The following C22orf42 variants were observed in gnomAD, a reference collection of about 807,000 sequenced individuals.
C22orf42 encodes the protein chromosome 22 open reading frame 42.
C22orf42 carries 24 observed loss-of-function variants against 31.4 expected under a neutral mutation model. The observed-to-expected ratio is 0.77, with a 90% CI of 0.55 to 1.08. The LOEUF (loss-of-function observed/expected upper bound fraction) is 1.08, where lower values mean the gene tolerates loss of function less well. C22orf42 is among the 50% of genes least tolerant of loss of function. The probability of loss-of-function intolerance (pLI) is 0.00; values close to 1 mark genes in which losing one functional copy is unlikely to be tolerated. For missense variants in C22orf42, 276 were observed against 327.3 expected (o/e 0.84, Z 1.21); for synonymous variants, 96 against 112.7 (o/e 0.85, Z 0.94).
At chr22:32,154,449 C>T (rs1278145637) in intron 1 of C22orf42, 131 bp from the exon 2 acceptor site, 6 of 1,111,104 alleles carry the variant, frequency 5.4e-6, no homozygotes, top group Admixed American at 3.2e-5. Flanking sequence ...GTTTTGATCC[C>T]GGTTTGCACC....
intron 4 of C22orf42, 71 bp from the exon 5 acceptor site, chr22:32,151,622 G>C: frequency 9.5e-6 from 14 of 1,476,332 alleles, no homozygotes; most frequent in Non-Finnish European, 1.3e-5. Flanking sequence ...CCTGGGGGAT[G>C]TGGACCGGGG....
rs553928285 is a variant in C22orf42, at chr22:32,149,854, C to G, written c.655-74G>C. On this transcript the variant is annotated intron_variant, in intron 7 of 8. Coordinates refer to ENST00000382097, the MANE Select transcript of C22orf42 (RefSeq NM_001010859.3). Reference sequence around the variant, plus strand: ...CCTGTTGGCACAGGTCTATTATTCACTTGGTGACGTAGAAAACAACATGTC... The same window carrying G: ...CCTGTTGGCACAGGTCTATTATTCAGTTGGTGACGTAGAAAACAACATGTC... 96 of 1,155,826 alleles carry G rather than the reference C, an allele frequency of 8.3e-5. No individual in the cohort carries two copies. In the African/African-American group the frequency reaches 3.3e-3, roughly 39 times the overall value. The allele number at this position is 1,155,826 out of a possible 1,614,324, so 71.6% of individuals were successfully genotyped here.
intron 1 of C22orf42, among the ~76,000 whole-genome samples, chr22:32,157,053 G>T (rs1921298824): frequency 6.6e-6 from 1 of 152,186 alleles, no homozygotes; most frequent in South Asian, 2.1e-4. Flanking sequence ...GTTGTCATTT[G>T]CCTTTCTCTT....
At chr22:32,152,434 G>C in intron 3 of C22orf42, 128 bp downstream of exon 3, 1 of 803,208 alleles carries the variant, frequency 1.2e-6, no homozygotes, top group Non-Finnish European at 2.1e-6. Context: ...TCCAGTGACC[G>C]GTCTCTAGAG....
At chr22:32,152,133 C>G in intron 3 of C22orf42, 39 bp from the exon 4 acceptor site, 1 of 1,598,386 alleles carries the variant, frequency 6.3e-7, no homozygotes, top group Non-Finnish European at 8.5e-7. Flanking sequence ...CCATGAGGAT[C>G]AGATCATGCT....
At chr22:32,159,305 A>G, upstream of C22orf42, 1 of 1,535,944 alleles carries the variant, frequency 6.5e-7, no homozygotes, top group Non-Finnish European at 8.7e-7. Context: ...CTACCGACTG[A>G]AGGCTGCTGG....
intron 1 of C22orf42, among the ~76,000 whole-genome samples, chr22:32,156,095 T>A (rs5753878): frequency 0.12 from 18,358 of 152,170 alleles, 1,294 homozygotes; most frequent in East Asian, 0.23. Flanking sequence ...CATTATCTAA[T>A]GTTACTGTTT....
In C22orf42 at chr22:32,158,975, C is replaced by G; in HGVS notation, c.232+9G>C. The G allele has an allele frequency of 6.2e-7, 1 of 1,614,106 alleles. No individual in the cohort carries two copies. Among genetic ancestry groups the G allele is most frequent in the Non-Finnish European group, 8.5e-7 (1 of 1,180,026 alleles). On this transcript the variant is annotated intron_variant, in intron 1 of 8. Coordinates refer to ENST00000382097, the MANE Select transcript of C22orf42 (RefSeq NM_001010859.3). The stretch of plus-strand genomic sequence containing the variant: ...GCCAGAGAGCAAATGGCACCCATGG[C>G]TTCTTTACCTTTGGACATCTTCAGC...
upstream of C22orf42, chr22:32,160,286 T>A (rs1603185941): frequency 1.3e-5 from 2 of 152,154 alleles, no homozygotes; most frequent in African/African-American, 2.4e-5. Flanking sequence ...GGAGGGGAAG[T>A]GACCTTGTAG....
intron 1 of C22orf42, 29 bp downstream of exon 1, chr22:32,158,955 A>C: frequency 6.2e-7 from 1 of 1,613,356 alleles, no homozygotes; most frequent in Non-Finnish European, 8.5e-7. Flanking sequence ...GAGATGCCAG[A>C]GAGCAAATGG....
At chr22:32,154,863 C>A (rs946343229) in intron 1 of C22orf42, among the ~76,000 whole-genome samples, 1 of 152,184 alleles carries the variant, frequency 6.6e-6, no homozygotes, top group Non-Finnish European at 1.5e-5. Context: ...TGGTTGAATA[C>A]AGAGAGGGAG....
rs1417467810 is a variant in C22orf42, at chr22:32,150,213, TGTCTTCTATAATATACATG to T, written c.654+87_654+105del. ...TTCCAGCCAACAAAAAAATTGTATT[TGTCTTCTATAATATACATG>T]GTCAGATTTTTATATCTTCATTTCA... On this transcript the variant is annotated intron_variant, in intron 7 of 8. Coordinates refer to ENST00000382097, the MANE Select transcript of C22orf42 (RefSeq NM_001010859.3). 3 of 1,166,902 alleles carry T rather than the reference TGTCTTCTATAATATACATG, an allele frequency of 2.6e-6. No homozygotes were observed. The African/African-American group carries it at 4.7e-5, about 18-fold the overall frequency. The allele number at this position is 1,166,902 out of a possible 1,614,324, so 72.3% of individuals were successfully genotyped here.
At position 32,150,993 on chromosome 22, in the gene C22orf42, G is replaced by C. The variant is rs1378009314; in HGVS notation, c.492C>G (p.His164Gln). ...AGCTGTTTAAAAAAAAATACGTACG[G>C]TGGTCGTGCTTGGCCTCAGATATTT... ...DIEISEAKHD[H>Q]HLVEDLSESL... Residue 164 changes from histidine to glutamine, a missense_variant and splice_region_variant, in exon 6 of 9, where the codon CAC becomes CAG. By Grantham distance (24) the His-to-Gln change is conservative. Transcript: ENST00000382097. The C allele has an allele frequency of 6.2e-7, 1 of 1,611,820 alleles. No individual in the cohort carries two copies. The highest frequency in any genetic ancestry group is 8.5e-7 in the Non-Finnish European group (1 of 1,178,776).
Position 32,152,090 on chromosome 22 carries a change from A to G in C22orf42, c.377T>C (p.Ile126Thr). 3.1e-6 allele frequency: 5 copies of G among 1,607,148 alleles called. No individual in the cohort carries two copies. The highest frequency in any genetic ancestry group is 1.1e-5 in the South Asian group (1 of 88,686). Residue 126 changes from isoleucine to threonine, a missense_variant, in exon 4 of 9, where the codon ATA becomes ACA. Transcript: ENST00000382097. ...VEENMTSDIE[I>T]PEAKHDHRPT... ...ACGGTGGTCGTGCTTGGCCTCAGGT[A>G]TTTCCTGCAATAAGAGAAAAGAAAA...
At chr22:32,150,290 T>A in intron 7 of C22orf42, 29 bp downstream of exon 7, 1 of 1,604,014 alleles carries the variant, frequency 6.2e-7, no homozygotes, top group Non-Finnish European at 8.5e-7. Context: ...AAAAAACATT[T>A]CTCTTCCAGA....
chr22:32,157,017 C>T (rs1232838986), intron 1 of C22orf42, among the ~76,000 whole-genome samples: 2 of 152,244 alleles, frequency 1.3e-5, no homozygotes, highest in African/African-American at 2.4e-5. Context: ...TGGAATTCCA[C>T]TCAGTAGGAG....
At chr22:32,151,664 C>T (rs1920984817) in intron 4 of C22orf42, 113 bp from the exon 5 acceptor site, 1 of 974,022 alleles carries the variant, frequency 1.0e-6, no homozygotes, top group South Asian at 1.3e-5. Context: ...GGTTGACAGG[C>T]ATGGACTGAG....
At chr22:32,153,716 G>A (rs1177701569) in intron 2 of C22orf42, among the ~76,000 whole-genome samples, 1 of 152,136 alleles carries the variant, frequency 6.6e-6, no homozygotes, top group Non-Finnish European at 1.5e-5. Context: ...TAAAAATTGT[G>A]TTTCCAAACA....
chr22:32,160,333 G>A (rs1921524450), upstream of C22orf42: 1 of 151,872 alleles, frequency 6.6e-6, no homozygotes, highest in African/African-American at 2.4e-5. Flanking sequence ...GTTTTTTGAT[G>A]TGAATTTTAA....
Sources: allele counts gnomAD v4.1 joint callset (sites outside exome capture counted in the v4.1 genomes callset), GRCh38; gene constraint gnomAD v4.1.1; transcripts MANE v1.5; gene names NCBI Gene and HGNC (gene_info 2026-07-23, HGNC 2026-07-21).